AQR: variants seen among roughly 807,000 people sequenced by gnomAD.
AQR encodes the protein RNA helicase aquarius.
In AQR, 61 loss-of-function variants were observed where a neutral mutation model predicts 180.5. The observed-to-expected ratio is 0.34, with a 90% CI of 0.28 to 0.42. The LOEUF (loss-of-function observed/expected upper bound fraction) is 0.42, where lower values mean the gene tolerates loss of function less well. AQR is among the 10% of genes least tolerant of loss of function. AQR has a pLI of 1.00. For missense variants in AQR, 1,281 were observed against 1,798.3 expected, an observed-to-expected ratio of 0.71 and a Z score of 5.20; for synonymous variants, 551 against 588.8, an observed-to-expected ratio of 0.94 and a Z score of 0.93.
chr15:34,892,645 ATAAGTTGAAAATATCC>A, intron 23 of AQR, among the ~76,000 whole-genome samples: 1 of 152,198 alleles, frequency 6.6e-6, no homozygotes, highest in Non-Finnish European at 1.5e-5. Context: ...TAAATCTATC[ATAAGTTGAAAATATCC>A]TAAGTTGAAA....
At chr15:34,943,105 G>A (rs778911714) in intron 6 of AQR, 2 of 1,611,726 alleles carry the variant, frequency 1.2e-6, no homozygotes, top group South Asian at 1.1e-5. Context: ...AAAACCCGCC[G>A]GACTTTCTGT....
intron 10 of AQR, among the ~76,000 whole-genome samples, chr15:34,933,082 C>T (rs571026436): frequency 1.3e-5 from 2 of 152,300 alleles, no homozygotes; most frequent in African/African-American, 4.8e-5. Flanking sequence ...AGTGGAGTTG[C>T]TCTGAGAAAA....
In AQR at chr15:34,886,565, T is replaced by C. The variant is rs1266882729; in HGVS notation, c.2778A>G (p.Ser926=). 2 of 1,613,608 alleles carry C rather than the reference T, an allele frequency of 1.2e-6. No individual in the cohort carries two copies. The highest frequency in any genetic ancestry group is 2.2e-5 in the South Asian group (2 of 90,934). ...AATAGCCTGCAGTTTCACAGGTATA[T>C]GAGGCATCTCCTGGAACCCCTAGAC... ...QKSLGVPGDA[S]YTCETAGYFF... is the part of the protein sequence containing the mutation. The change falls in exon 25 of 35, where the codon TCA becomes TCG. Residue 926 remains serine, a synonymous_variant. Coordinates refer to ENST00000156471, the MANE Select transcript of AQR (RefSeq NM_014691.3).
rs1892990651 is a variant in AQR, at chr15:34,882,574, T to C, written c.3093A>G (p.Glu1031=). 1 of 1,613,380 alleles carries C rather than the reference T, an allele frequency of 6.2e-7. No individual in the cohort carries two copies. The highest frequency in any genetic ancestry group is 1.3e-5 in the African/African-American group (1 of 74,984). ...LDRSKYLLVK[E]AKIIAMTCTH... Reference sequence around the variant, plus strand: ...TACAGGTCATAGCAATAATTTTGGCTTCTTTCACTAAAAGGTATTTAGATC... The same window carrying C: ...TACAGGTCATAGCAATAATTTTGGCCTCTTTCACTAAAAGGTATTTAGATC... Residue 1031 remains glutamate, a synonymous_variant, in exon 27 of 35, where the codon GAA becomes GAG. Coordinates refer to ENST00000156471, the MANE Select transcript of AQR (RefSeq NM_014691.3).
At chr15:34,969,276 C>T (rs1191597974) in intron 1 of AQR, among the ~76,000 whole-genome samples, 2 of 152,176 alleles carry the variant, frequency 1.3e-5, no homozygotes, top group Admixed American at 6.5e-5. Context: ...CAGCAAAACT[C>T]ATACAGTAGT....
chr15:34,891,426 C>T, intron 23 of AQR, among the ~76,000 whole-genome samples: 1 of 152,152 alleles, frequency 6.6e-6, no homozygotes, highest in East Asian at 1.9e-4. Context: ...TTGAATTATA[C>T]ATGCAAATGA....
chr15:34,876,042 A>G, intron 27 of AQR, 36 bp from the exon 28 acceptor site: 1 of 1,515,892 alleles, frequency 6.6e-7, no homozygotes, highest in Non-Finnish European at 9.1e-7. Context: ...AAGACAGCTT[A>G]AAAGTCAAAC....
rs113800976 is a variant in AQR at position 34,968,089 on chromosome 15, A to G, written c.75+1450T>C. Among the ~76,000 whole-genome samples the G allele has an allele frequency of 1.5e-4, 23 of 152,246 alleles. 1 individual carries two copies. The highest frequency in any genetic ancestry group is 4.1e-4 in the South Asian group (2 of 4,826). On this transcript the variant is annotated intron_variant, in intron 1 of 34. Transcript: ENST00000156471. ...CGGCCTCCCAAAGTGCTGGGATTAC[A>G]GGCATGAGCCATCGCGCCCGGCTGA...
intron 13 of AQR, 118 bp from the exon 14 acceptor site, chr15:34,920,552 T>C (rs1054032005): frequency 2.7e-6 from 2 of 727,830 alleles, no homozygotes; most frequent in Admixed American, 6.0e-5. Flanking sequence ...GGGCAGCAAA[T>C]ATCAAAAACC....
Position 34,857,102 on chromosome 15 carries a change from AAAG to A in AQR, c.4145_4147del (p.Thr1382_Leu1383delinsIle). ...TACCATAGCAGGTGGTAGTTGTAAT[AAAG>A]TCTAATTAAAAAAAAAAAAACAAAG... On this transcript the variant is annotated inframe_deletion and splice_region_variant, in exon 35 of 35. Coordinates refer to ENST00000156471, the MANE Select transcript of AQR (RefSeq NM_014691.3). 2 of 1,554,864 alleles carry A rather than the reference AAAG, an allele frequency of 1.3e-6. No individual in the cohort carries two copies. The highest frequency in any genetic ancestry group is 8.6e-7 in the Non-Finnish European group (1 of 1,157,238).
chr15:34,953,221 G>A (rs922931997), intron 3 of AQR, among the ~76,000 whole-genome samples: 4 of 151,846 alleles, frequency 2.6e-5, no homozygotes, highest in African/African-American at 9.7e-5. Context: ...TGTTGACAGT[G>A]AGCTTAAAAT....
At chr15:34,916,442 C>CAAAAAAAA (rs10711258) in intron 15 of AQR, among the ~76,000 whole-genome samples, 1 of 149,636 alleles carries the variant, frequency 6.7e-6, no homozygotes. Context: ...TCCATACTAC[C>CAAAAAAAA]AAAAAAAAAA....
chr15:34,853,701 C>G lies in AQR; in HGVS notation c.*3091G>C, dbSNP rs1269315928. 1 of 152,126 alleles carries G rather than the reference C, an allele frequency of 6.6e-6. No individual in the cohort carries two copies. Among genetic ancestry groups the G allele is most frequent in the Non-Finnish European group, 1.5e-5 (1 of 68,022 alleles). The allele number at this position is 152,126 out of a possible 1,614,324, so 9.4% of individuals were successfully genotyped here. ...ACAAAGCTTTGAAGAAAAACAGAGA[C>G]AGAAACTGGTATTTACTAAGTACCT... On this transcript the variant is annotated 3_prime_UTR_variant, in exon 35 of 35. Transcript: ENST00000156471.
chr15:34,893,842 G>A, intron 22 of AQR, 69 bp from the exon 23 acceptor site: 5 of 1,342,550 alleles, frequency 3.7e-6, no homozygotes, highest in Admixed American at 1.7e-5. Context: ...TAGAAAACGT[G>A]AAGTACAGAC....
intron 31 of AQR, 55 bp downstream of exon 31, chr15:34,870,697 C>A: frequency 2.0e-6 from 3 of 1,503,596 alleles, no homozygotes; most frequent in Non-Finnish European, 2.7e-6. Context: ...CAATATAAAC[C>A]TTTCCATCTT....
chr15:34,938,846 T>G, intron 8 of AQR, 33 bp from the exon 9 acceptor site: 1 of 1,454,282 alleles, frequency 6.9e-7, no homozygotes, highest in Non-Finnish European at 9.6e-7. Context: ...CCAATTATTT[T>G]TGAAGAATAG....
At chr15:34,876,102 T>C (rs1892885869) in intron 27 of AQR, 96 bp from the exon 28 acceptor site, 2 of 869,050 alleles carry the variant, frequency 2.3e-6, no homozygotes, top group Admixed American at 4.2e-5. Flanking sequence ...TAATTTCTGA[T>C]AAAAACGACA....
intron 31 of AQR, 51 bp from the exon 32 acceptor site, chr15:34,867,660 C>A: frequency 3.9e-6 from 5 of 1,269,942 alleles, no homozygotes; most frequent in Non-Finnish European, 5.7e-6. Flanking sequence ...CCAAAAGACA[C>A]TAGAGATCAT....
chr15:34,932,262 A>G (rs1893876099), intron 11 of AQR, 56 bp downstream of exon 11: 4 of 1,464,058 alleles, frequency 2.7e-6, no homozygotes, highest in Non-Finnish European at 3.8e-6. Context: ...TGTGGCAAAG[A>G]AAAGATCAAT....
Sources: allele counts gnomAD v4.1 joint callset (sites outside exome capture counted in the v4.1 genomes callset), GRCh38; gene constraint gnomAD v4.1.1; transcripts MANE v1.5; gene names NCBI Gene and HGNC (gene_info 2026-07-23, HGNC 2026-07-21).